The following PCNX2 variants were observed in gnomAD, a reference collection of about 807,000 sequenced individuals.
PCNX2 encodes pecanex-like protein 2.
A neutral mutation model predicts 223.8 loss-of-function variants in PCNX2; 168 were observed. The ratio of observed to expected loss-of-function variants is 0.75; its 90% CI spans 0.66 to 0.85. The LOEUF (loss-of-function observed/expected upper bound fraction) is 0.85, where lower values mean the gene tolerates loss of function less well. Ranked by LOEUF, PCNX2 falls within the 40% of genes least tolerant of loss-of-function variation. The probability of loss-of-function intolerance (pLI) is 0.00; values close to 1 mark genes in which losing one functional copy is unlikely to be tolerated. For missense variants in PCNX2, 2,507 were observed against 2,675.5 expected (o/e 0.94, Z 1.39); for synonymous variants, 1,006 against 1,052.6 (o/e 0.96, Z 0.86).
chr1:233,138,327 C>T (rs1231557573), intron 20 of PCNX2, among the ~76,000 whole-genome samples: 1 of 152,226 alleles, frequency 6.6e-6, no homozygotes, highest in Non-Finnish European at 1.5e-5. Context: ...TTAGCCCTTG[C>T]ATCTGCCTTC....
intron 5 of PCNX2, among the ~76,000 whole-genome samples, chr1:233,257,551 C>T (rs1045808289): frequency 2.0e-4 from 30 of 152,068 alleles, no homozygotes; most frequent in Admixed American, 1.9e-3. Context: ...AAATTAAGAG[C>T]GGCAGAAGTG....
Position 233,184,586 on chromosome 1 carries a change from C to T in PCNX2, c.3067-5411G>A, listed in dbSNP as rs368237622. On this transcript the variant is annotated intron_variant, in intron 15 of 33. Transcript: ENST00000258229. ...ATCTCCTCTCATTTTCTCTCTACTT[C>T]GATATTTAATCAAACATTTCCAACA... Among the ~76,000 whole-genome samples, 154 of 152,210 alleles carry T rather than the reference C, an allele frequency of 1.0e-3. 3 individuals carry two copies. In the South Asian group the frequency reaches 0.03, roughly 30 times the overall value.
chr1:233,015,558 G>T (rs1466389144), intron 27 of PCNX2, among the ~76,000 whole-genome samples: 1 of 152,126 alleles, frequency 6.6e-6, no homozygotes, highest in Admixed American at 6.5e-5. Flanking sequence ...AATTAGCCAG[G>T]CATGGTGGTG....
At chr1:233,308,023 C>T in the PCNX2 span, among the ~76,000 whole-genome samples, 663 of 152,238 alleles carry the variant, frequency 4.4e-3, 9 homozygotes, top group African/African-American at 0.015. Context: ...GAGAAACTGA[C>T]AAAAAGCCAG....
At chr1:233,025,769 G>T in intron 25 of PCNX2, 1 of 226,342 alleles carries the variant, frequency 4.4e-6, no homozygotes, top group African/African-American at 2.3e-5. Flanking sequence ...TTATTTAACT[G>T]GTCCAGGCTT....
At chr1:233,238,065 T>C (rs1213275437) in intron 8 of PCNX2, among the ~76,000 whole-genome samples, 2 of 152,194 alleles carry the variant, frequency 1.3e-5, no homozygotes, top group African/African-American at 4.8e-5. Context: ...AGCTGAGTGA[T>C]GGAAGGGAAC....
chr1:233,158,136 C>A (rs80294820), intron 19 of PCNX2, among the ~76,000 whole-genome samples: 8,945 of 152,056 alleles, frequency 0.059, 506 homozygotes, highest in East Asian at 0.31. Flanking sequence ...TTAAATGGGG[C>A]TGTCTTAGAT....
intron 21 of PCNX2, among the ~76,000 whole-genome samples, chr1:233,098,694 G>A (rs1048521643): frequency 1.4e-4 from 22 of 152,082 alleles, no homozygotes; most frequent in African/African-American, 5.3e-4. Context: ...GCTCCTCTAT[G>A]AAGCCCACCA....
At position 233,269,303 on chromosome 1, in the gene PCNX2, C is replaced by A. The variant is rs573583258; in HGVS notation, c.154-6140G>T. Reference sequence around the variant, plus strand: ...ATTCATTTACCTGGCACATAATAAGCCTAATAAACTCAGTTTCCCAGCCCA... The same window carrying A: ...ATTCATTTACCTGGCACATAATAAGACTAATAAACTCAGTTTCCCAGCCCA... On this transcript the variant is annotated intron_variant, in intron 1 of 33. Coordinates refer to ENST00000258229, the MANE Select transcript of PCNX2 (RefSeq NM_014801.4). Among the ~76,000 whole-genome samples the A allele has an allele frequency of 7.2e-5, 11 of 152,206 alleles. No individual in the cohort carries two copies. In the South Asian group the frequency reaches 8.3e-4, roughly 11 times the overall value.
At chr1:233,200,383 CTTTTTT>C (rs1011802481) in intron 13 of PCNX2, 119 bp from the exon 14 acceptor site, 126 of 210,794 alleles carry the variant, frequency 6.0e-4, no homozygotes, top group South Asian at 7.3e-4. Flanking sequence ...TGGAGGCAAT[CTTTTTT>C]TTTTTTTTTT....
intron 22 of PCNX2, among the ~76,000 whole-genome samples, chr1:233,090,531 A>G (rs969126970): frequency 1.3e-5 from 2 of 152,212 alleles, no homozygotes; most frequent in Admixed American, 1.3e-4. Flanking sequence ...TACATTTGCT[A>G]AAGTATCAAG....
chr1:233,219,340 G>C (rs75993345), intron 10 of PCNX2, among the ~76,000 whole-genome samples: 2,686 of 152,162 alleles, frequency 0.018, 82 homozygotes, highest in African/African-American at 0.061. Context: ...AGCAGAGACA[G>C]GATTATAATG....
At chr1:233,241,186 G>C in intron 8 of PCNX2, 1 of 985,396 alleles carries the variant, frequency 1.0e-6, no homozygotes, top group Non-Finnish European at 1.2e-6. Flanking sequence ...TTATGTGACA[G>C]TAAAATTTGT....
chr1:233,078,701 G>T (rs1445291164), intron 23 of PCNX2, among the ~76,000 whole-genome samples: 2 of 152,158 alleles, frequency 1.3e-5, no homozygotes, highest in Non-Finnish European at 2.9e-5. Context: ...GCAGTCGCAT[G>T]GTCGGCTACA....
In PCNX2 at chr1:233,057,267, T is replaced by C. The variant is rs567434041; in HGVS notation, c.4100A>G (p.Asn1367Ser). The C allele has an allele frequency of 6.2e-7, 1 of 1,610,680 alleles. No homozygotes were observed. Among genetic ancestry groups the C allele is most frequent in the South Asian group, 1.1e-5 (1 of 90,516 alleles). The part of the protein sequence containing the change: ...NYNTRRVDNS[N>S]TRLAVQIERD... Reference sequence around the variant, plus strand: ...TTCAATTTGGACTGCCAGTCTTGTGTTGGAATTATCCACTCGCCTTGTACT... The same window carrying C: ...TTCAATTTGGACTGCCAGTCTTGTGCTGGAATTATCCACTCGCCTTGTACT... Residue 1367 changes from asparagine (N) to serine (S), a missense_variant, in exon 24 of 34, where the codon AAC becomes AGC. By Grantham distance (46) the Asn-to-Ser change is conservative. Coordinates refer to ENST00000258229, the MANE Select transcript of PCNX2 (RefSeq NM_014801.4).
intron 15 of PCNX2, among the ~76,000 whole-genome samples, chr1:233,195,584 T>G (rs968568899): frequency 1.3e-5 from 2 of 152,204 alleles, no homozygotes; most frequent in African/African-American, 4.8e-5. Flanking sequence ...CTACCAGAAC[T>G]AATACATTTG....
Position 233,200,278 on chromosome 1 carries a change from A to C in PCNX2, c.2864-14T>G, listed in dbSNP as rs745382476. Reference sequence around the variant, plus strand: ...AATATAAAAATACTGAAAATGAACAAACAAAATTGACGATAAGCATGGGGA... The same window carrying C: ...AATATAAAAATACTGAAAATGAACACACAAAATTGACGATAAGCATGGGGA... On this transcript the variant is annotated splice_polypyrimidine_tract_variant and intron_variant, in intron 13 of 33. Coordinates refer to ENST00000258229, the MANE Select transcript of PCNX2 (RefSeq NM_014801.4). 1.3e-6 allele frequency: 2 copies of C among 1,523,104 alleles called. No homozygotes were observed. The highest frequency in any genetic ancestry group is 1.2e-5 in the South Asian group (1 of 82,956). The allele number at this position is 1,523,104 out of a possible 1,614,324, so 94.3% of individuals were successfully genotyped here.
intron 26 of PCNX2, among the ~76,000 whole-genome samples, chr1:233,024,122 C>T (rs777759815): frequency 5.9e-5 from 9 of 152,122 alleles, no homozygotes; most frequent in Non-Finnish European, 1.3e-4. Flanking sequence ...GCTATGTTGC[C>T]TAGGCTGGTC....
At chr1:233,134,787 T>C (rs1201503908) in intron 21 of PCNX2, 3 of 567,368 alleles carry the variant, frequency 5.3e-6, no homozygotes, top group East Asian at 5.8e-5. Context: ...GTCACACTAA[T>C]GGCTAATTCA....
Sources: allele counts gnomAD v4.1 joint callset (sites outside exome capture counted in the v4.1 genomes callset), GRCh38; gene constraint gnomAD v4.1.1; transcripts MANE v1.5; gene names NCBI Gene and HGNC (gene_info 2026-07-23, HGNC 2026-07-21).